Variants in SUCLG2 observed in about 807,000 individuals in gnomAD.
The protein encoded by SUCLG2 is succinate--CoA ligase [GDP-forming] subunit beta, mitochondrial.
A neutral mutation model predicts 47.9 loss-of-function variants in SUCLG2; 42 were observed. The observed-to-expected ratio is 0.88, with a 90% confidence interval of 0.69 to 1.14. The LOEUF (loss-of-function observed/expected upper bound fraction) is 1.14, where lower values mean the gene tolerates loss of function less well. Ranked by LOEUF, SUCLG2 falls within the 50% of genes most tolerant of loss-of-function variation. SUCLG2 has a pLI of 0.00. For missense variants in SUCLG2, 571 were observed against 525.9 expected (o/e 1.09, Z -0.84); for synonymous variants, 195 against 197.3 (o/e 0.99, Z 0.10).
chr3:67,605,660 G>A (rs576016389), intron 2 of SUCLG2, among the ~76,000 whole-genome samples: 96 of 152,028 alleles, frequency 6.3e-4, no homozygotes, highest in African/African-American at 2.2e-3. Context: ...GGTGAAACCT[G>A]CATGCACACA....
At chr3:67,457,157 C>T (rs1041880249) in intron 9 of SUCLG2, among the ~76,000 whole-genome samples, 2 of 152,188 alleles carry the variant, frequency 1.3e-5, no homozygotes, top group Admixed American at 6.5e-5. Flanking sequence ...TCCTTCCTCT[C>T]TCCAATCTCC....
At chr3:67,640,055 T>C (rs1031227003) in intron 1 of SUCLG2, among the ~76,000 whole-genome samples, 2 of 152,222 alleles carry the variant, frequency 1.3e-5, no homozygotes, top group African/African-American at 2.4e-5. Flanking sequence ...AGGGATTCAA[T>C]TCTGATTATT....
chr3:67,548,681 T>G (rs746689954), intron 2 of SUCLG2, among the ~76,000 whole-genome samples: 1 of 152,230 alleles, frequency 6.6e-6, no homozygotes, highest in African/African-American at 2.4e-5. Context: ...ATAAATCTAT[T>G]ATTGTTTCTG....
chr3:67,423,055 A>G (rs535610596), intron 9 of SUCLG2, among the ~76,000 whole-genome samples: 2 of 152,288 alleles, frequency 1.3e-5, no homozygotes, highest in South Asian at 2.1e-4. Flanking sequence ...TAATAGGTGC[A>G]GTGATGTGGT....
rs1435002433 is a variant in SUCLG2, at chr3:67,375,169, T to A, written c.*575A>T. 1.9e-5 allele frequency: 19 copies of A among 985,230 alleles called. No homozygotes were observed. Among genetic ancestry groups the A allele is most frequent in the Non-Finnish European group, 2.2e-5 (18 of 829,506 alleles). The allele number at this position is 985,230 out of a possible 1,614,324, so 61.0% of individuals were successfully genotyped here. ...GCAGATATTCCATTATTAAATATAT[T>A]TTGGAATACTCACGGATTTTTCAAA... On this transcript the variant is annotated 3_prime_UTR_variant, in exon 11 of 11. Transcript: ENST00000307227.
At chr3:67,480,236 T>G (rs549390990) in intron 9 of SUCLG2, among the ~76,000 whole-genome samples, 4 of 152,190 alleles carry the variant, frequency 2.6e-5, no homozygotes, top group Non-Finnish European at 4.4e-5. Context: ...AGGGAACCAG[T>G]TGGCTTACAC....
rs138438099 is a variant in SUCLG2 at position 67,541,679 on chromosome 3, C to T, written c.227-12493G>A. Among the ~76,000 whole-genome samples the T allele has an allele frequency of 4.4e-3, 676 of 152,226 alleles. 8 individuals carry two copies. The East Asian group carries it at 0.054, about 12-fold the overall frequency. On this transcript the variant is annotated intron_variant, in intron 2 of 10. Coordinates refer to ENST00000307227, the MANE Select transcript of SUCLG2 (RefSeq NM_003848.4). Reference sequence around the variant, plus strand: ...AAATACAGAGAACACCACAAAGATACTCCTTGAGAAGAGCAACCCCAAGAC... The same window carrying T: ...AAATACAGAGAACACCACAAAGATATTCCTTGAGAAGAGCAACCCCAAGAC...
intron 2 of SUCLG2, among the ~76,000 whole-genome samples, chr3:67,589,439 AACTG>A (rs1229426856): frequency 1.3e-5 from 2 of 152,230 alleles, no homozygotes; most frequent in Admixed American, 1.3e-4. Context: ...CTTTTCATTA[AACTG>A]ACTAATAATG....
chr3:67,557,312 T>C (rs1345403507), intron 2 of SUCLG2, among the ~76,000 whole-genome samples: 3 of 152,138 alleles, frequency 2.0e-5, no homozygotes, highest in African/African-American at 7.2e-5. Context: ...ACAGAGATCG[T>C]TCTGATGTTT....
At chr3:67,440,532 GA>G (rs1043582600) in intron 9 of SUCLG2, among the ~76,000 whole-genome samples, 1 of 151,660 alleles carries the variant, frequency 6.6e-6, no homozygotes. Flanking sequence ...AAATTTACAG[GA>G]AAAAAACAAA....
chr3:67,592,842 C>T (rs141701477), intron 2 of SUCLG2, among the ~76,000 whole-genome samples: 1 of 151,756 alleles, frequency 6.6e-6, no homozygotes, highest in African/African-American at 2.4e-5. Flanking sequence ...CCTCACGATA[C>T]TGTATAGAAA....
At chr3:67,373,985 T>C (rs1701987602), downstream of SUCLG2, among the ~76,000 whole-genome samples, 1 of 152,206 alleles carries the variant, frequency 6.6e-6, no homozygotes, top group South Asian at 2.1e-4. Context: ...ATCACAAAAA[T>C]GATTTAATTG....
At chr3:67,526,715 G>A (rs1256477636) in intron 4 of SUCLG2, among the ~76,000 whole-genome samples, 1 of 152,180 alleles carries the variant, frequency 6.6e-6, no homozygotes, top group Non-Finnish European at 1.5e-5. Flanking sequence ...CTAGAATGTG[G>A]AGAACCCTGA....
chr3:67,506,724 A>T (rs2107092272), intron 7 of SUCLG2, among the ~76,000 whole-genome samples: 1 of 152,334 alleles, frequency 6.6e-6, no homozygotes, highest in African/African-American at 2.4e-5. Context: ...CTGCTTGTGT[A>T]TACTAGTTGA....
intron 2 of SUCLG2, among the ~76,000 whole-genome samples, chr3:67,567,974 C>T (rs564287866): frequency 4.7e-4 from 72 of 152,244 alleles, no homozygotes; most frequent in African/African-American, 1.6e-3. Context: ...GAAAAAGATA[C>T]GCACTGATCA....
At chr3:67,413,486 T>C (rs1367251363) in intron 9 of SUCLG2, among the ~76,000 whole-genome samples, 3 of 152,178 alleles carry the variant, frequency 2.0e-5, no homozygotes, top group Non-Finnish European at 4.4e-5. Flanking sequence ...CAAAAAGTGT[T>C]AACTTCCATA....
chr3:67,369,386 G>GT (rs1701920610), intron 10 of SUCLG2, among the ~76,000 whole-genome samples: 1 of 152,014 alleles, frequency 6.6e-6, no homozygotes, highest in African/African-American at 2.4e-5. Context: ...TCTGTTTCTT[G>GT]TTTTCTTGGT....
At chr3:67,456,162 G>A (rs1008758288) in intron 9 of SUCLG2, among the ~76,000 whole-genome samples, 3 of 152,152 alleles carry the variant, frequency 2.0e-5, no homozygotes, top group African/African-American at 7.2e-5. Flanking sequence ...TGGGTAGTGA[G>A]GTGGGACTTC....
chr3:67,546,791 C>A (rs1575769013), intron 2 of SUCLG2, among the ~76,000 whole-genome samples: 1 of 151,924 alleles, frequency 6.6e-6, no homozygotes, highest in East Asian at 1.9e-4. Flanking sequence ...ATCCCAGCTA[C>A]TTGGGAGGCT....
Sources: gnomAD v4.1 joint callset for allele counts (sites outside exome capture counted in the v4.1 genomes callset) on GRCh38, gnomAD v4.1.1 for gene constraint, MANE v1.5 for transcripts, NCBI Gene and HGNC (gene_info 2026-07-23, HGNC 2026-07-21) for gene names.